The following NRG1 variants were observed in gnomAD, a reference collection of about 807,000 sequenced individuals.
NRG1 encodes pro-neuregulin-1, membrane-bound isoform.
In NRG1, 18 loss-of-function variants were observed where a neutral mutation model predicts 63.8. The observed-to-expected ratio is 0.28, with a 90% CI of 0.19 to 0.42. The LOEUF (loss-of-function observed/expected upper bound fraction) is 0.42, where lower values mean the gene tolerates loss of function less well. NRG1 is among the 10% of genes least tolerant of loss of function. NRG1 has a pLI of 1.00. For synonymous variants in NRG1, 302 were observed against 301.3 expected (o/e 1.00, Z -0.02); for missense variants, 762 against 814.7 (o/e 0.94, Z 0.79).
chr8:32,449,994 G>A (rs1820758530), intron 1 of NRG1, among the ~76,000 whole-genome samples: 1 of 152,152 alleles, frequency 6.6e-6, no homozygotes, highest in Non-Finnish European at 1.5e-5. Context: ...AGGCTGGCAA[G>A]AGAAGAGATC....
Position 32,620,965 on chromosome 8 carries a change from T to C in NRG1, c.502+4080T>C, listed in dbSNP as rs573851812. ...TGTTTTTAAATAGTAATCAGAAATATATTTTATAGGTCACTGTAACAATAA... is the reference window on the plus strand; with the variant it reads ...TGTTTTTAAATAGTAATCAGAAATACATTTTATAGGTCACTGTAACAATAA... On this transcript the variant is annotated intron_variant, in intron 5 of 11. Coordinates refer to ENST00000356819, the Ensembl canonical transcript of NRG1. Among the ~76,000 whole-genome samples the C allele has an allele frequency of 2.6e-5, 4 of 152,298 alleles. No homozygotes were observed. The East Asian group carries it at 7.7e-4, about 29-fold the overall frequency.
At chr8:32,739,965 A>G (rs1005948603) in intron 6 of NRG1, among the ~76,000 whole-genome samples, 1 of 152,174 alleles carries the variant, frequency 6.6e-6, no homozygotes, top group African/African-American at 2.4e-5. Flanking sequence ...TGAATACATC[A>G]TTAATTCTGG....
chr8:32,721,917 C>T (rs1820743910), intron 5 of NRG1: 3 of 1,506,536 alleles, frequency 2.0e-6, no homozygotes, highest in South Asian at 1.3e-5. Context: ...TCAGTCTGCT[C>T]ATTATACCTA....
chr8:31,704,075 C>T (rs1810888265), intron 1 of NRG1, among the ~76,000 whole-genome samples: 1 of 152,172 alleles, frequency 6.6e-6, no homozygotes, highest in Admixed American at 6.5e-5. Flanking sequence ...AATGAGTTTC[C>T]TTTCTCTGAC....
chr8:32,022,228 G>GT (rs1816568083), intron 1 of NRG1, among the ~76,000 whole-genome samples: 2 of 152,158 alleles, frequency 1.3e-5, no homozygotes, highest in African/African-American at 4.8e-5. Context: ...TAAAGAGAGA[G>GT]TTTTTTGCTT....
chr8:32,600,149 A>G (rs984213975), intron 2 of NRG1, among the ~76,000 whole-genome samples: 2 of 152,114 alleles, frequency 1.3e-5, no homozygotes, highest in African/African-American at 2.4e-5. Context: ...AGCCAAGCAC[A>G]GTGGTGTGTA....
At chr8:32,359,205 A>C (rs893145173) in intron 1 of NRG1, among the ~76,000 whole-genome samples, 1 of 152,174 alleles carries the variant, frequency 6.6e-6, no homozygotes, top group African/African-American at 2.4e-5. Flanking sequence ...TGAAGAGTAC[A>C]TAAGAGACGG....
chr8:32,314,482 T>C (rs1021081592), intron 1 of NRG1, among the ~76,000 whole-genome samples: 15 of 152,176 alleles, frequency 9.9e-5, no homozygotes, highest in East Asian at 1.9e-4. Flanking sequence ...CCCTCCTCGG[T>C]TGGCTCCAGC....
intron 6 of NRG1, among the ~76,000 whole-genome samples, chr8:32,736,434 G>A (rs17731912): frequency 0.11 from 16,836 of 152,194 alleles, 1,009 homozygotes; most frequent in African/African-American, 0.12. Flanking sequence ...GTTGGAGCTG[G>A]CGTAGACACT....
At chr8:31,827,693 T>C (rs576189671) in intron 1 of NRG1, among the ~76,000 whole-genome samples, 1 of 152,352 alleles carries the variant, frequency 6.6e-6, no homozygotes, top group South Asian at 2.1e-4. Context: ...ATAAATTATT[T>C]CTGCCTCAAC....
chr8:32,189,740 G>T (rs187932474), intron 1 of NRG1, among the ~76,000 whole-genome samples: 1 of 151,994 alleles, frequency 6.6e-6, no homozygotes, highest in African/African-American at 2.4e-5. Flanking sequence ...CTGCTAACTG[G>T]CCCCCCTGAG....
At chr8:32,334,568 C>T (rs953173021) in intron 1 of NRG1, among the ~76,000 whole-genome samples, 3 of 152,182 alleles carry the variant, frequency 2.0e-5, no homozygotes, top group Admixed American at 6.5e-5. Flanking sequence ...AAAGCCACGA[C>T]ATTCCAGAGC....
chr8:32,308,688 C>T (rs953675596), intron 1 of NRG1, among the ~76,000 whole-genome samples: 2 of 152,148 alleles, frequency 1.3e-5, no homozygotes, highest in African/African-American at 4.8e-5. Context: ...GCTACCACCA[C>T]AAAAATGTGT....
chr8:32,307,589 T>TTG (rs371611530), intron 1 of NRG1, among the ~76,000 whole-genome samples: 1,082 of 93,504 alleles, frequency 0.012, 7 homozygotes, highest in Middle Eastern at 0.02. Context: ...ACCCAGGGGT[T>TTG]TGTGTGTGTG....
At chr8:31,996,274 T>C (rs1309696003) in intron 1 of NRG1, among the ~76,000 whole-genome samples, 1 of 151,972 alleles carries the variant, frequency 6.6e-6, no homozygotes, top group Non-Finnish European at 1.5e-5. Flanking sequence ...GCACTCCAAT[T>C]AAACAAAAGT....
chr8:32,372,683 G>A (rs1809067743), intron 1 of NRG1, among the ~76,000 whole-genome samples: 1 of 152,186 alleles, frequency 6.6e-6, no homozygotes, highest in South Asian at 2.1e-4. Context: ...ACCATCATCT[G>A]CATTTGAATC....
At chr8:32,773,702 C>T (rs1027587163) in intron 7 of NRG1, among the ~76,000 whole-genome samples, 4 of 152,136 alleles carry the variant, frequency 2.6e-5, no homozygotes, top group African/African-American at 9.7e-5. Flanking sequence ...CTTTCACTCC[C>T]CTGGGCCATC....
chr8:32,468,267 A>G (rs2129490074), intron 1 of NRG1, among the ~76,000 whole-genome samples: 1 of 152,276 alleles, frequency 6.6e-6, no homozygotes, highest in African/African-American at 2.4e-5. Context: ...ATAAGCGATT[A>G]ATCTTACTTT....
At chr8:32,464,586 G>A (rs1822817717) in intron 1 of NRG1, among the ~76,000 whole-genome samples, 1 of 152,138 alleles carries the variant, frequency 6.6e-6, no homozygotes, top group Non-Finnish European at 1.5e-5. Context: ...AAATGTATGA[G>A]ATGTTCTTTC....
Sources: gnomAD v4.1 joint callset for allele counts (sites outside exome capture counted in the v4.1 genomes callset) on GRCh38, gnomAD v4.1.1 for gene constraint, MANE v1.5 for transcripts, NCBI Gene and HGNC (gene_info 2026-07-23, HGNC 2026-07-21) for gene names.